The following ENTPD5 variants were observed in gnomAD, a reference collection of about 807,000 sequenced individuals.
ENTPD5 encodes the protein ectonucleoside triphosphate diphosphohydrolase 5 (inactive), also known as nucleoside diphosphate phosphatase ENTPD5.
ENTPD5 carries 49 observed loss-of-function variants against 60.2 expected under a neutral mutation model. That is an observed-to-expected ratio of 0.81 (90% CI 0.65 to 1.03). The LOEUF (loss-of-function observed/expected upper bound fraction) is 1.03. ENTPD5 is among the 50% of genes least tolerant of loss of function. The pLI is 0.00. For missense variants in ENTPD5, 480 were observed against 507.6 expected, an observed-to-expected ratio of 0.95 and a Z score of 0.52; for synonymous variants, 187 against 185.4, an observed-to-expected ratio of 1.01 and a Z score of -0.07.
intron 3 of ENTPD5, among the ~76,000 whole-genome samples, chr14:74,002,306 A>G (rs997065133): frequency 3.3e-5 from 5 of 152,158 alleles, no homozygotes; most frequent in Admixed American, 6.5e-5. Context: ...CTTGGAAAAG[A>G]CAGATATGGG....
chr14:73,961,350 G>A (rs779684999), downstream of ENTPD5: 11 of 1,614,094 alleles, frequency 6.8e-6, no homozygotes, highest in East Asian at 2.2e-5. Context: ...TGCTGAGTAC[G>A]TCAGGCCTCG....
In ENTPD5 at chr14:73,983,122, C is replaced by T; in HGVS notation, c.337G>A (p.Asp113Asn). Residue 113 changes from aspartate (D) to asparagine (N), a missense_variant, in exon 6 of 16, where the codon GAC becomes AAC. Coordinates refer to ENST00000334696, the MANE Select transcript of ENTPD5 (RefSeq NM_001249.5). Reference sequence around the variant, plus strand: ...TTCCAGTGACTTCGGGGGATTGAGTCTTTGGCCACCTCTAAGAGCCCTTGA... The same window carrying T: ...TTCCAGTGACTTCGGGGGATTGAGTTTTTGGCCACCTCTAAGAGCCCTTGA... ...TVQGLLEVAK[D>N]SIPRSHWKKT... 1 of 1,614,132 alleles carries T rather than the reference C, an allele frequency of 6.2e-7. No individual in the cohort carries two copies. Among genetic ancestry groups the T allele is most frequent in the East Asian group, 2.2e-5 (1 of 44,892 alleles).
At chr14:73,972,570 T>C (rs2057272763) in intron 13 of ENTPD5, among the ~76,000 whole-genome samples, 1 of 152,198 alleles carries the variant, frequency 6.6e-6, no homozygotes, top group East Asian at 1.9e-4. Flanking sequence ...TGAATATGTT[T>C]ATTATCTTCA....
chr14:73,989,609 G>A (rs62005065), intron 3 of ENTPD5, among the ~76,000 whole-genome samples: 45,752 of 149,922 alleles, frequency 0.31, 8,158 homozygotes, highest in Non-Finnish European at 0.41. Flanking sequence ...CGAGGCAGGC[G>A]GATCACCTGA....
chr14:73,958,208 T>C (rs753293292), downstream of ENTPD5: 19 of 1,614,024 alleles, frequency 1.2e-5, no homozygotes, highest in African/African-American at 2.7e-5. Flanking sequence ...GTCCATTTCC[T>C]ATGGCCGACT....
rs148382197 is a variant in ENTPD5, at chr14:73,984,313, T to C, written c.298-1152A>G. Reference sequence around the variant, plus strand: ...GCCTAACTTAGGTCACTTGGCCTTGTTGGGACTTGGTTTCCTCAAGTGTGG... The same window carrying C: ...GCCTAACTTAGGTCACTTGGCCTTGCTGGGACTTGGTTTCCTCAAGTGTGG... On this transcript the variant is annotated intron_variant, in intron 5 of 15. Transcript: ENST00000334696. 2.6e-3 allele frequency among the ~76,000 whole-genome samples: 401 copies of C among 152,330 alleles called. 2 individuals are homozygous for C. The highest frequency in any genetic ancestry group is 9.4e-3 in the African/African-American group (390 of 41,578).
chr14:73,966,263 ACCCT>A lies in ENTPD5; in HGVS notation c.*661_*664del, dbSNP rs1259219156. 1.3e-5 allele frequency: 2 copies of A among 152,190 alleles called. No homozygotes were observed. The highest frequency in any genetic ancestry group is 6.6e-5 in the Admixed American group (1 of 15,266). The allele number at this position is 152,190 out of a possible 1,614,324, so 9.4% of individuals were successfully genotyped here. A position where few individuals can be genotyped will look rare whatever the true frequency, so the allele number is the denominator to read the frequency against. On this transcript the variant is annotated 3_prime_UTR_variant, in exon 16 of 16. Transcript: ENST00000334696. ...AAGGTAGGCTATATGAGGCAGCCAC[ACCCT>A]CCCAAAACATGTCCCCAGAGACCGG...
At chr14:73,981,211 T>C (rs1161040973) in intron 6 of ENTPD5, among the ~76,000 whole-genome samples, 1 of 151,978 alleles carries the variant, frequency 6.6e-6, no homozygotes, top group Non-Finnish European at 1.5e-5. Context: ...TTGAAATATA[T>C]GACTTAGGGC....
intron 3 of ENTPD5, among the ~76,000 whole-genome samples, chr14:73,998,113 T>C (rs530754769): frequency 1.2e-4 from 19 of 152,168 alleles, no homozygotes; most frequent in Non-Finnish European, 1.5e-4. Context: ...AACAGAAAAC[T>C]GTTCTCATGA....
intron 2 of ENTPD5, among the ~76,000 whole-genome samples, chr14:74,012,382 T>G (rs2058873399): frequency 6.6e-6 from 1 of 152,250 alleles, no homozygotes; most frequent in East Asian, 1.9e-4. Flanking sequence ...GCTGGGATTA[T>G]AGGCATGAGC....
intron 3 of ENTPD5, among the ~76,000 whole-genome samples, chr14:74,000,475 T>C (rs188153590): frequency 1.4e-5 from 2 of 146,804 alleles, no homozygotes; most frequent in African/African-American, 2.5e-5. Flanking sequence ...AAAAAATATA[T>C]ATATAAGCAT....
Position 73,990,011 on chromosome 14 carries a change from AAAAT to A in ENTPD5, c.-70-1843_-70-1840del, listed in dbSNP as rs1181310583. On this transcript the variant is annotated intron_variant, in intron 3 of 15. Transcript: ENST00000334696. ...AACAGAGCAAGACTTCGTCTCAAAA[AAAAT>A]AAATAAATATAATAAATAAATTAGC... is the stretch of plus-strand genomic sequence containing the variant. Among the ~76,000 whole-genome samples, 5 of 151,892 alleles carry A rather than the reference AAAAT, an allele frequency of 3.3e-5. 1 individual carries two copies. The East Asian group carries it at 9.7e-4, about 29-fold the overall frequency.
At chr14:73,999,543 C>T (rs1188188823) in intron 3 of ENTPD5, among the ~76,000 whole-genome samples, 2 of 151,972 alleles carry the variant, frequency 1.3e-5, no homozygotes, top group Non-Finnish European at 2.9e-5. Flanking sequence ...CTCCTGTAAT[C>T]CCAGCACTTT....
intron 3 of ENTPD5, among the ~76,000 whole-genome samples, chr14:73,994,984 A>G (rs934339100): frequency 1.3e-4 from 19 of 150,228 alleles, no homozygotes; most frequent in African/African-American, 4.7e-4. Context: ...ACTTTTGTTT[A>G]TTTTCATATT....
At chr14:73,967,585 T>C (rs1324052502) in intron 15 of ENTPD5, among the ~76,000 whole-genome samples, 1 of 151,868 alleles carries the variant, frequency 6.6e-6, no homozygotes, top group Non-Finnish European at 1.5e-5. Context: ...GGCAGGTGGA[T>C]TGCTTGAGGC....
chr14:73,996,978 A>G (rs1207558394), intron 3 of ENTPD5, among the ~76,000 whole-genome samples: 1 of 152,060 alleles, frequency 6.6e-6, no homozygotes, highest in Non-Finnish European at 1.5e-5. Context: ...AAGCAAACCA[A>G]CGACTGTAAT....
At chr14:73,961,224 C>G (rs988744463), downstream of ENTPD5, 2 of 1,613,972 alleles carry the variant, frequency 1.2e-6, no homozygotes, top group African/African-American at 2.7e-5. Flanking sequence ...TGCCATGCTG[C>G]AGTATGCTGT....
downstream of ENTPD5, chr14:73,959,396 T>C: frequency 1.2e-6 from 2 of 1,614,216 alleles, no homozygotes; most frequent in Admixed American, 3.3e-5. Context: ...CCGTTGGTAT[T>C]GGTGTTCTTT....
downstream of ENTPD5, chr14:73,957,918 C>A: frequency 2.0e-6 from 1 of 498,048 alleles, no homozygotes; most frequent in Non-Finnish European, 3.6e-6. Flanking sequence ...AGAAAGAGTG[C>A]CTCTGACAGA....
Sources: gnomAD v4.1 joint callset for allele counts (sites outside exome capture counted in the v4.1 genomes callset) on GRCh38, gnomAD v4.1.1 for gene constraint, MANE v1.5 for transcripts, NCBI Gene and HGNC (gene_info 2026-07-23, HGNC 2026-07-21) for gene names.